The following FER variants were observed in gnomAD, a reference collection of about 807,000 sequenced individuals.
FER encodes FER tyrosine kinase.
A neutral mutation model predicts 111.0 loss-of-function variants in FER; 63 were observed. The ratio of observed to expected loss-of-function variants is 0.57; its 90% CI spans 0.46 to 0.70. FER has a LOEUF of 0.70. FER is among the 30% of genes least tolerant of loss of function. The pLI, the probability that FER is intolerant of heterozygous loss-of-function variation, is 0.00. For synonymous variants in FER, 327 were observed against 313.9 expected, an observed-to-expected ratio of 1.04 and a Z score of -0.44; for missense variants, 914 against 954.0, an observed-to-expected ratio of 0.96 and a Z score of 0.55.
intron 1 of FER, among the ~76,000 whole-genome samples, chr5:108,764,454 G>T (rs1752090098): frequency 6.6e-6 from 1 of 152,056 alleles, no homozygotes; most frequent in African/African-American, 2.4e-5. Flanking sequence ...CTGCAGTGCA[G>T]TGACGCCATC....
chr5:108,905,246 C>T (rs1750589133), intron 10 of FER, among the ~76,000 whole-genome samples: 2 of 151,988 alleles, frequency 1.3e-5, no homozygotes, highest in South Asian at 4.1e-4. Context: ...TATATTTTAA[C>T]TGTTATCTGT....
intron 13 of FER, among the ~76,000 whole-genome samples, chr5:109,009,044 C>CTT (rs1030906789): frequency 0.025 from 2,948 of 115,932 alleles, 113 homozygotes; most frequent in Middle Eastern, 0.038. Context: ...CCTCTTCAGT[C>CTT]TTTTTTTTTT....
Position 109,047,113 on chromosome 5 carries a change from G to A in FER, c.1839G>A (p.Lys613=), listed in dbSNP as rs145364639. 1 of 1,569,280 alleles carries A rather than the reference G, an allele frequency of 6.4e-7. No individual in the cohort carries two copies. The highest frequency in any genetic ancestry group is 2.3e-5 in the East Asian group (1 of 43,566). Reference sequence around the variant, plus strand: ...TTTTCATCTCATCTAGAATTCTCAAGCAATATGATCATCCCAATATTGTCA... The same window carrying A: ...TTTTCATCTCATCTAGAATTCTCAAACAATATGATCATCCCAATATTGTCA... The part of the protein sequence containing the change: ...IKFLQEAKIL[K]QYDHPNIVKL... The change falls in exon 16 of 20, where the codon AAG becomes AAA. Residue 613 remains lysine, a synonymous_variant. Coordinates refer to ENST00000281092, the MANE Select transcript of FER (RefSeq NM_005246.4).
intron 5 of FER, among the ~76,000 whole-genome samples, chr5:108,862,629 A>T (rs1763640122): frequency 6.6e-6 from 1 of 152,242 alleles, no homozygotes; most frequent in Non-Finnish European, 1.5e-5. Flanking sequence ...AGTAAAAAGT[A>T]ACATCTTAGA....
chr5:108,879,288 G>A (rs1765399533), intron 8 of FER, among the ~76,000 whole-genome samples: 1 of 151,796 alleles, frequency 6.6e-6, no homozygotes, highest in Non-Finnish European at 1.5e-5. Flanking sequence ...AGTACATGCA[G>A]GTTTGTTATA....
At chr5:108,831,594 T>C (rs977369256) in intron 3 of FER, among the ~76,000 whole-genome samples, 3 of 152,064 alleles carry the variant, frequency 2.0e-5, no homozygotes, top group African/African-American at 7.2e-5. Flanking sequence ...CTAAAAATAG[T>C]CCCCTCCCTA....
chr5:108,950,762 A>G (rs1757619114), intron 11 of FER, among the ~76,000 whole-genome samples: 2 of 152,162 alleles, frequency 1.3e-5, no homozygotes, highest in Admixed American at 6.5e-5. Flanking sequence ...TAAAAAAATT[A>G]TGTTCAACTA....
chr5:108,762,445 G>C (rs1038173007), intron 1 of FER, among the ~76,000 whole-genome samples: 1 of 151,982 alleles, frequency 6.6e-6, no homozygotes, highest in Admixed American at 6.6e-5. Flanking sequence ...TTCTCCTTCT[G>C]CATGATTCCT....
chr5:108,894,020 C>T (rs1748637989), intron 9 of FER, among the ~76,000 whole-genome samples: 1 of 147,148 alleles, frequency 6.8e-6, no homozygotes, highest in Non-Finnish European at 1.5e-5. Context: ...TGATGTGGGA[C>T]AGATTCCTTC....
intron 16 of FER, among the ~76,000 whole-genome samples, chr5:109,091,717 AC>A (rs776321009): frequency 2.0e-5 from 3 of 151,560 alleles, no homozygotes; most frequent in Non-Finnish European, 2.9e-5. Context: ...TGGGGCAAAT[AC>A]CCCACCCTGG....
intron 13 of FER, among the ~76,000 whole-genome samples, chr5:108,970,346 G>A (rs1253443376): frequency 1.3e-5 from 2 of 151,948 alleles, no homozygotes; most frequent in Non-Finnish European, 2.9e-5. Context: ...CTCCCAAGTG[G>A]CTGGGACTAC....
At chr5:108,804,033 T>C (rs1335138074) in intron 3 of FER, among the ~76,000 whole-genome samples, 1 of 152,218 alleles carries the variant, frequency 6.6e-6, no homozygotes, top group African/African-American at 2.4e-5. Flanking sequence ...GTGCTTCTTA[T>C]AGGGATCTTT....
intron 17 of FER, among the ~76,000 whole-genome samples, chr5:109,132,255 A>G (rs1340317571): frequency 6.6e-6 from 1 of 152,146 alleles, no homozygotes; most frequent in Admixed American, 6.6e-5. Context: ...TGATTTCTCA[A>G]TCTTTTTCCA....
At chr5:109,057,884 G>A (rs1302174868) in intron 16 of FER, among the ~76,000 whole-genome samples, 1 of 152,142 alleles carries the variant, frequency 6.6e-6, no homozygotes, top group Non-Finnish European at 1.5e-5. Context: ...TTTGAGGCCA[G>A]CATTACCCTG....
intron 17 of FER, among the ~76,000 whole-genome samples, chr5:109,128,520 G>A (rs1045416353): frequency 2.6e-5 from 4 of 152,118 alleles, no homozygotes; most frequent in Non-Finnish European, 4.4e-5. Context: ...ATAAAAATCA[G>A]TGAAAAGGAG....
chr5:108,934,039 C>G (rs1420493786), intron 10 of FER, among the ~76,000 whole-genome samples: 2 of 151,872 alleles, frequency 1.3e-5, no homozygotes, highest in Non-Finnish European at 2.9e-5. Context: ...TCCTCTCTTC[C>G]TGTTTGAATA....
chr5:108,776,745 A>G (rs1305477335), intron 2 of FER, among the ~76,000 whole-genome samples: 1 of 152,242 alleles, frequency 6.6e-6, no homozygotes, highest in East Asian at 1.9e-4. Flanking sequence ...GTTTTAAATC[A>G]GTATTTATGG....
At chr5:108,851,996 A>T (rs552375334) in intron 5 of FER, among the ~76,000 whole-genome samples, 1 of 152,306 alleles carries the variant, frequency 6.6e-6, no homozygotes, top group South Asian at 2.1e-4. Flanking sequence ...AGTTCTCTTC[A>T]CCCTCTTTTA....
chr5:109,109,822 T>C (rs1749384372), intron 17 of FER, among the ~76,000 whole-genome samples: 1 of 152,176 alleles, frequency 6.6e-6, no homozygotes, highest in South Asian at 2.1e-4. Context: ...TTTCTAATAG[T>C]GACACTATCT....
Sources: gnomAD v4.1 joint callset for allele counts (sites outside exome capture counted in the v4.1 genomes callset) on GRCh38, gnomAD v4.1.1 for gene constraint, MANE v1.5 for transcripts, NCBI Gene and HGNC (gene_info 2026-07-23, HGNC 2026-07-21) for gene names.